The following SAP130 variants were observed in gnomAD, a reference collection of about 807,000 sequenced individuals.
SAP130 encodes histone deacetylase complex subunit SAP130.
SAP130 carries 16 observed loss-of-function variants against 103.2 expected under a neutral mutation model. The ratio of observed to expected loss-of-function variants is 0.16; its 90% CI spans 0.10 to 0.24. SAP130 has a LOEUF of 0.24. Ranked by LOEUF, SAP130 falls within the 10% of genes least tolerant of loss-of-function variation. SAP130 has a pLI of 1.00. For missense variants in SAP130, 990 were observed against 1,359.7 expected (o/e 0.73, Z 4.28); for synonymous variants, 477 against 497.0 (o/e 0.96, Z 0.53).
In SAP130 at chr2:127,941,726, T is replaced by C; in HGVS notation, c.*280A>G. 1 of 419,640 alleles carries C rather than the reference T, an allele frequency of 2.4e-6. No individual in the cohort carries two copies. The highest frequency in any genetic ancestry group is 4.2e-6 in the Non-Finnish European group (1 of 238,140). The allele number at this position is 419,640 out of a possible 1,614,324, so 26.0% of individuals were successfully genotyped here. Reference sequence around the variant, plus strand: ...GAAAAACACCAGCCAGCCATCCTTGTCATTGCTTCCAACTGGTGGACACTG... The same window carrying C: ...GAAAAACACCAGCCAGCCATCCTTGCCATTGCTTCCAACTGGTGGACACTG... On this transcript the variant is annotated 3_prime_UTR_variant, in exon 21 of 21. Transcript: ENST00000643581.
intron 2 of SAP130, among the ~76,000 whole-genome samples, chr2:128,019,569 CTATTTAAAAATTAAG>C (rs1301036951): frequency 2.6e-5 from 4 of 151,764 alleles, no homozygotes; most frequent in East Asian, 2.0e-4. Context: ...TGCACCTGGC[CTATTTAAAAATTAAG>C]TATTTAAAAA....
chr2:128,020,169 G>GA (rs1288939310), intron 2 of SAP130, among the ~76,000 whole-genome samples: 1 of 151,596 alleles, frequency 6.6e-6, no homozygotes, highest in Non-Finnish European at 1.5e-5. Flanking sequence ...TTTTTTTCTT[G>GA]AAGTATGATT....
chr2:127,945,390 A>G, intron 19 of SAP130, 66 bp downstream of exon 19: 1 of 953,246 alleles, frequency 1.0e-6, no homozygotes, highest in Non-Finnish European at 1.7e-6. Flanking sequence ...AGTTCTATGA[A>G]CTCAGCTATC....
intron 15 of SAP130, among the ~76,000 whole-genome samples, chr2:127,968,606 A>G (rs1477738538): frequency 1.3e-5 from 2 of 151,580 alleles, no homozygotes; most frequent in African/African-American, 4.8e-5. Flanking sequence ...CACTGCAGAG[A>G]TCTGCCTCCC....
chr2:127,990,122 T>G (rs1426959133), intron 12 of SAP130, among the ~76,000 whole-genome samples: 4 of 152,228 alleles, frequency 2.6e-5, no homozygotes, highest in Non-Finnish European at 5.9e-5. Context: ...AAAAAGGCAA[T>G]CAGCTATTAA....
chr2:127,987,772 A>C (rs1390973436), intron 13 of SAP130, among the ~76,000 whole-genome samples: 2 of 152,170 alleles, frequency 1.3e-5, no homozygotes, highest in Admixed American at 1.3e-4. Flanking sequence ...GTAAAATACC[A>C]ATCTCTCTCA....
chr2:128,001,286 T>C (rs1414062525), intron 7 of SAP130, among the ~76,000 whole-genome samples: 4 of 151,958 alleles, frequency 2.6e-5, no homozygotes, highest in Non-Finnish European at 5.9e-5. Context: ...ACACCAGTAA[T>C]CCCAGCAGGA....
chr2:127,997,799 A>T (rs1367478931), intron 10 of SAP130, among the ~76,000 whole-genome samples: 1 of 152,170 alleles, frequency 6.6e-6, no homozygotes, highest in African/African-American at 2.4e-5. Context: ...CCATTAATTT[A>T]AATCTTTGTT....
At chr2:128,026,427 A>G (rs566556225) in intron 1 of SAP130, 129 bp from the exon 2 acceptor site, 1 of 632,164 alleles carries the variant, frequency 1.6e-6, no homozygotes, top group African/African-American at 1.8e-5. Context: ...TTTATTTAAA[A>G]ACAATAACTT....
intron 18 of SAP130, among the ~76,000 whole-genome samples, chr2:127,948,431 C>T (rs1430399901): frequency 6.7e-6 from 1 of 149,490 alleles, no homozygotes; most frequent in African/African-American, 2.5e-5. Flanking sequence ...CCTTTGCCTC[C>T]CGGGTTCAAG....
intron 15 of SAP130, among the ~76,000 whole-genome samples, chr2:127,959,220 G>A (rs1680061934): frequency 6.6e-6 from 1 of 152,096 alleles, no homozygotes; most frequent in Non-Finnish European, 1.5e-5. Context: ...TGTGTGTCCC[G>A]GACAGGGCGC....
Position 127,996,565 on chromosome 2 carries a change from A to G in SAP130, c.1214-74T>C, listed in dbSNP as rs563472692. On this transcript the variant is annotated intron_variant, in intron 10 of 20. Coordinates refer to ENST00000643581, the MANE Select transcript of SAP130 (RefSeq NM_001330301.2). The surrounding 1 kb of genome is among the most constrained non-coding windows in gnomAD (Gnocchi z 4.3). ...GCATGCCAAAACATTCTTGGCTAGC[A>G]GCAATCTTAGGAAAGCAAACAATTA... 4.6e-6 allele frequency: 6 copies of G among 1,316,554 alleles called. No homozygotes were observed. In the Admixed American group the frequency reaches 8.6e-5, roughly 19 times the overall value. The allele number at this position is 1,316,554 out of a possible 1,614,324, so 81.6% of individuals were successfully genotyped here. A position where few individuals can be genotyped will look rare whatever the true frequency, so the allele number is the denominator to read the frequency against.
At position 128,000,381 on chromosome 2, in the gene SAP130, C is replaced by A. The variant is rs748748504; in HGVS notation, c.943G>T (p.Val315Phe). Residue 315 changes from valine to phenylalanine, a missense_variant, in exon 8 of 21, where the codon GTC becomes TTC. Physicochemically the swap from Val to Phe is conservative, Grantham distance 50 (BLOSUM62 -1). Transcript: ENST00000643581. The stretch of plus-strand genomic sequence containing the variant: ...GATGGTAGTGTGATTCTTGTTGTGA[C>A]ATCTCGTGACTGGGCAGGACGCTGA... ...SIQRPAQSRD[V>F]TTRITLPSHP... 6.2e-7 allele frequency: 1 copy of A among 1,614,140 alleles called. No individual in the cohort carries two copies. Among genetic ancestry groups the A allele is most frequent in the Non-Finnish European group, 8.5e-7 (1 of 1,180,024 alleles).
At chr2:128,017,548 C>T in intron 3 of SAP130, 132 bp downstream of exon 3, 1 of 758,084 alleles carries the variant, frequency 1.3e-6, no homozygotes, top group Non-Finnish European at 2.1e-6. Flanking sequence ...CAGAAAGGAG[C>T]TGAACTCATA....
intron 15 of SAP130, among the ~76,000 whole-genome samples, chr2:127,968,799 A>G (rs1156783516): frequency 6.6e-6 from 1 of 152,096 alleles, no homozygotes; most frequent in Non-Finnish European, 1.5e-5. Flanking sequence ...TAGTGAGGGC[A>G]CTGTGCCCAG....
intron 18 of SAP130, among the ~76,000 whole-genome samples, chr2:127,949,282 T>C (rs547297043): frequency 2.2e-4 from 34 of 152,298 alleles, no homozygotes; most frequent in Admixed American, 2.1e-3. Flanking sequence ...GCACTTAAAG[T>C]CCATCCGTAG....
At position 127,989,568 on chromosome 2, in the gene SAP130, A is replaced by G; in HGVS notation, c.1776T>C (p.Thr592=). Residue 592 remains threonine, a synonymous_variant, in exon 13 of 21, where the codon ACT becomes ACC. Transcript: ENST00000643581. The surrounding 1 kb of genome is among the most constrained non-coding windows in gnomAD (Gnocchi z 4.6). ...GTQQPQPEGK[T]SAVVLADGAT... is the part of the protein sequence containing the mutation. ...TATGCAAAAATTTAAAATTACCTGA[A>G]GTCTTTCCTTCAGGCTGAGGCTGCT... The G allele has an allele frequency of 6.3e-7, 1 of 1,598,162 alleles. No individual in the cohort carries two copies. The highest frequency in any genetic ancestry group is 1.1e-5 in the South Asian group (1 of 89,778).
At chr2:127,957,777 G>A (rs114847761) in intron 15 of SAP130, among the ~76,000 whole-genome samples, 1,899 of 151,942 alleles carry the variant, frequency 0.012, 37 homozygotes, top group African/African-American at 0.042. Flanking sequence ...TTTTCATATT[G>A]AGAAGGCTTT....
intron 7 of SAP130, among the ~76,000 whole-genome samples, chr2:128,001,177 T>C (rs1248128779): frequency 2.0e-5 from 3 of 152,188 alleles, no homozygotes; most frequent in African/African-American, 7.2e-5. Flanking sequence ...GCCAAATTAA[T>C]TGGTAGCAAG....
Sources: allele counts gnomAD v4.1 joint callset (sites outside exome capture counted in the v4.1 genomes callset), GRCh38; gene constraint gnomAD v4.1.1; non-coding constraint Gnocchi (gnomAD v3.1); transcripts MANE v1.5; gene names NCBI Gene and HGNC (gene_info 2026-07-23, HGNC 2026-07-21).